Variants in CLSTN2 observed in about 807,000 individuals in gnomAD.
CLSTN2 encodes the protein calsyntenin-2.
CLSTN2 carries 48 observed loss-of-function variants against 101.2 expected under a neutral mutation model. The ratio of observed to expected loss-of-function variants is 0.47; its 90% confidence interval spans 0.38 to 0.60. CLSTN2 has a LOEUF of 0.60. CLSTN2 is among the 20% of genes least tolerant of loss of function. The pLI is 0.00. For synonymous variants in CLSTN2, 481 were observed against 463.6 expected (o/e 1.04, Z -0.48); for missense variants, 1,160 against 1,238.2 (o/e 0.94, Z 0.95).
At chr3:139,947,349 A>T (rs1935230215) in intron 1 of CLSTN2, among the ~76,000 whole-genome samples, 1 of 152,198 alleles carries the variant, frequency 6.6e-6, no homozygotes. Flanking sequence ...GCCAATACTT[A>T]TTGGTGCACA....
At chr3:140,341,813 C>T (rs555836352) in intron 2 of CLSTN2, among the ~76,000 whole-genome samples, 1 of 152,220 alleles carries the variant, frequency 6.6e-6, no homozygotes, top group South Asian at 2.1e-4. Flanking sequence ...AGGCACTGTC[C>T]TAAAATTTAC....
chr3:140,086,820 C>T (rs1202290296), intron 1 of CLSTN2, among the ~76,000 whole-genome samples: 3 of 152,224 alleles, frequency 2.0e-5, no homozygotes, highest in African/African-American at 7.2e-5. Context: ...TTCTGTTTCA[C>T]AGCTGTCTTT....
chr3:140,356,001 G>A (rs543565285), intron 2 of CLSTN2, among the ~76,000 whole-genome samples: 9 of 152,204 alleles, frequency 5.9e-5, no homozygotes, highest in Non-Finnish European at 1.2e-4. Context: ...TGAAGACACA[G>A]CTCAGGCATC....
chr3:140,460,041 C>T (rs1424962677), intron 7 of CLSTN2, among the ~76,000 whole-genome samples: 4 of 152,086 alleles, frequency 2.6e-5, no homozygotes, highest in Admixed American at 2.0e-4. Flanking sequence ...AACTAGATTC[C>T]TCAGAATGCT....
chr3:140,438,428 C>CA (rs2088709757), intron 5 of CLSTN2, among the ~76,000 whole-genome samples: 1 of 15,254 alleles, frequency 6.6e-5, no homozygotes. Flanking sequence ...ATGGTCCTTT[C>CA]ATTAAAAAAA....
chr3:140,523,437 T>C (rs1935077165), intron 8 of CLSTN2, among the ~76,000 whole-genome samples: 1 of 152,240 alleles, frequency 6.6e-6, no homozygotes, highest in South Asian at 2.1e-4. Flanking sequence ...TGTTTTTGAT[T>C]CCTGAAGAGT....
intron 2 of CLSTN2, among the ~76,000 whole-genome samples, chr3:140,332,353 G>T (rs952445602): frequency 1.3e-5 from 2 of 152,170 alleles, no homozygotes; most frequent in African/African-American, 4.8e-5. Context: ...GGGTGAGCAA[G>T]GTCCTATCCT....
intron 2 of CLSTN2, among the ~76,000 whole-genome samples, chr3:140,198,598 A>G (rs1184301263): frequency 6.6e-6 from 1 of 152,196 alleles, no homozygotes; most frequent in African/African-American, 2.4e-5. Flanking sequence ...GAAAGATAAC[A>G]GCAGGTAGTA....
At chr3:140,216,087 A>G (rs932355336) in intron 2 of CLSTN2, among the ~76,000 whole-genome samples, 9 of 152,278 alleles carry the variant, frequency 5.9e-5, no homozygotes, top group Middle Eastern at 3.4e-3. Flanking sequence ...GATCAGCATT[A>G]GATTCTCATA....
chr3:140,155,756 C>T (rs1221449115), intron 1 of CLSTN2, among the ~76,000 whole-genome samples: 1 of 152,210 alleles, frequency 6.6e-6, no homozygotes, highest in African/African-American at 2.4e-5. Context: ...TGAGTGACCA[C>T]TCTTAGCCAG....
intron 6 of CLSTN2, among the ~76,000 whole-genome samples, chr3:140,458,588 C>A (rs1007195458): frequency 6.6e-6 from 1 of 152,168 alleles, no homozygotes; most frequent in South Asian, 2.1e-4. Context: ...TCAGCACCCC[C>A]CTCCACAAAG....
chr3:140,439,515 T>G (rs1251486356), intron 5 of CLSTN2, among the ~76,000 whole-genome samples: 2 of 152,208 alleles, frequency 1.3e-5, no homozygotes, highest in African/African-American at 4.8e-5. Flanking sequence ...GGAAAGAACA[T>G]CGTGAGCAAG....
At chr3:140,036,951 A>G (rs1355543043) in intron 1 of CLSTN2, among the ~76,000 whole-genome samples, 1 of 152,228 alleles carries the variant, frequency 6.6e-6, no homozygotes, top group Non-Finnish European at 1.5e-5. Context: ...TAAAAGAAAT[A>G]CATAAAAAAA....
chr3:140,363,252 T>C (rs928250265), intron 2 of CLSTN2, among the ~76,000 whole-genome samples: 2 of 152,172 alleles, frequency 1.3e-5, no homozygotes, highest in African/African-American at 2.4e-5. Flanking sequence ...TATGATTCCA[T>C]TGGCATGAAA....
chr3:140,127,807 A>G lies in CLSTN2; in HGVS notation c.110-48144A>G, dbSNP rs910061150. ...ATAAAGCAGGTAGAACAGGGCTGGG[A>G]AAAGAATAAGGGCTAGATGTGATCC... On this transcript the variant is annotated intron_variant, in intron 1 of 16. Coordinates refer to ENST00000458420, the MANE Select transcript of CLSTN2 (RefSeq NM_022131.3). 3.9e-5 allele frequency among the ~76,000 whole-genome samples: 6 copies of G among 152,162 alleles called. No homozygotes were observed. The East Asian group carries it at 9.6e-4, about 24-fold the overall frequency.
intron 2 of CLSTN2, among the ~76,000 whole-genome samples, chr3:140,309,100 A>C (rs2087140332): frequency 6.6e-6 from 1 of 152,232 alleles, no homozygotes; most frequent in Non-Finnish European, 1.5e-5. Flanking sequence ...CTCTCATAGA[A>C]CTTACAATCA....
intron 2 of CLSTN2, among the ~76,000 whole-genome samples, chr3:140,372,989 G>T (rs1304961260): frequency 6.6e-6 from 1 of 152,168 alleles, no homozygotes; most frequent in Non-Finnish European, 1.5e-5. Flanking sequence ...GAAATCAGTT[G>T]AGCCTGGGAA....
intron 2 of CLSTN2, among the ~76,000 whole-genome samples, chr3:140,184,893 C>T (rs1484610894): frequency 6.6e-6 from 1 of 152,040 alleles, no homozygotes; most frequent in Non-Finnish European, 1.5e-5. Flanking sequence ...ATTTTCTTCC[C>T]GCACATATAC....
rs1480269806 is a variant in CLSTN2, at chr3:140,574,164, G to A, written c.*7911G>A. The A allele has an allele frequency of 6.6e-6, 1 of 152,158 alleles. No individual in the cohort carries two copies. The highest frequency in any genetic ancestry group is 1.5e-5 in the Non-Finnish European group (1 of 68,046). 9.4% of individuals were successfully genotyped at this position (152,158 alleles called of 1,614,324 possible). On this transcript the variant is annotated 3_prime_UTR_variant, in exon 17 of 17. Coordinates refer to ENST00000458420, the MANE Select transcript of CLSTN2 (RefSeq NM_022131.3). ...TGACCTCAGTGAAGGGACTGGGTTT[G>A]AAGAATTAAGACCCCCCAGTGGAGA... is the stretch of plus-strand genomic sequence containing the variant.
Sources: gnomAD v4.1 joint callset for allele counts (sites outside exome capture counted in the v4.1 genomes callset) on GRCh38, gnomAD v4.1.1 for gene constraint, MANE v1.5 for transcripts, NCBI Gene and HGNC (gene_info 2026-07-23, HGNC 2026-07-21) for gene names.